Variants in PRDM10 observed in about 807,000 individuals in gnomAD.
PRDM10 encodes the protein PR domain zinc finger protein 10.
In PRDM10, 65 loss-of-function variants were observed where a neutral mutation model predicts 133.1. The observed-to-expected ratio is 0.49, with a 90% CI of 0.40 to 0.60. The LOEUF (loss-of-function observed/expected upper bound fraction) is 0.60. Among genes scored for constraint, PRDM10 ranks in the 20% least tolerant of loss-of-function variants. PRDM10 has a pLI of 0.00. For synonymous variants in PRDM10, 582 were observed against 580.4 expected (o/e 1.00, Z -0.04); for missense variants, 1,137 against 1,507.1 (o/e 0.75, Z 4.07).
intron 20 of PRDM10, among the ~76,000 whole-genome samples, chr11:129,904,373 C>T (rs1026563232): frequency 2.6e-5 from 4 of 152,116 alleles, no homozygotes; most frequent in Middle Eastern, 3.2e-3. Context: ...CATGCACTTA[C>T]CATTTTATTT....
intron 1 of PRDM10, among the ~76,000 whole-genome samples, chr11:129,993,664 T>G (rs980803881): frequency 2.6e-5 from 4 of 152,156 alleles, no homozygotes; most frequent in Admixed American, 6.5e-5. Flanking sequence ...TTTTGTATTT[T>G]TAGTAGAGAC....
At chr11:129,910,136 C>T (rs1950140260) in intron 19 of PRDM10, among the ~76,000 whole-genome samples, 1 of 152,180 alleles carries the variant, frequency 6.6e-6, no homozygotes, top group African/African-American at 2.4e-5. Flanking sequence ...TTGGCATAGC[C>T]AGTGTCTAGT....
chr11:129,973,398 G>A (rs1227071258), intron 1 of PRDM10, among the ~76,000 whole-genome samples: 1 of 152,228 alleles, frequency 6.6e-6, no homozygotes, highest in African/African-American at 2.4e-5. Flanking sequence ...CACCAAGGTA[G>A]AACCTTCCCA....
In PRDM10 at chr11:129,901,061, A is replaced by G. The variant is rs1949831207; in HGVS notation, c.*1252T>C. 6.6e-6 allele frequency: 1 copy of G among 152,628 alleles called. No homozygotes were observed. The highest frequency in any genetic ancestry group is 1.5e-5 in the Non-Finnish European group (1 of 68,026). The allele number at this position is 152,628 out of a possible 1,614,324, so 9.5% of individuals were successfully genotyped here. ...ATAATTATTCTGAAAATGTGTTAGC[A>G]TGTCACAAAAAGTTAAAATATATAC... On this transcript the variant is annotated 3_prime_UTR_variant, in exon 21 of 21. Coordinates refer to ENST00000360871, the MANE Select transcript of PRDM10 (RefSeq NM_199437.2).
chr11:129,902,206 C>T lies in PRDM10; in HGVS notation c.*107G>A, dbSNP rs1949860630. 6 of 1,429,740 alleles carry T rather than the reference C, an allele frequency of 4.2e-6. No individual in the cohort carries two copies. The East Asian group carries it at 1.4e-4, about 33-fold the overall frequency. The allele number at this position is 1,429,740 out of a possible 1,614,324, so 88.6% of individuals were successfully genotyped here. On this transcript the variant is annotated 3_prime_UTR_variant, in exon 21 of 21. Transcript: ENST00000360871. ...GAGAGACAAAACTGTGGTTTCCGAA[C>T]TCTTGAGTGAATAATAAATCTTACA... is the stretch of plus-strand genomic sequence containing the variant.
intron 6 of PRDM10, among the ~76,000 whole-genome samples, chr11:129,943,019 C>T (rs1307846461): frequency 6.6e-6 from 1 of 152,204 alleles, no homozygotes; most frequent in Non-Finnish European, 1.5e-5. Context: ...ATAGGCATTT[C>T]TCTTTACAAA....
At position 129,923,380 on chromosome 11, in the gene PRDM10, G is replaced by C; in HGVS notation, c.1902C>G (p.Phe634Leu). ...FIQVKKHVRSFHSEKIYQCTE... is the reference protein window; with the variant it reads ...FIQVKKHVRSLHSEKIYQCTE... Reference sequence around the variant, plus strand: ...TGCACTGGTAGATCTTTTCTGAGTGGAAGCTGCGCACGTGTTTTTTCACCT... The same window carrying C: ...TGCACTGGTAGATCTTTTCTGAGTGCAAGCTGCGCACGTGTTTTTTCACCT... The change falls in exon 13 of 21, where the codon TTC (phenylalanine) becomes TTG (leucine). Residue 634 changes from phenylalanine to leucine, a missense_variant. Physicochemically the swap from Phe to Leu is conservative, Grantham distance 22. Coordinates refer to ENST00000360871, the MANE Select transcript of PRDM10 (RefSeq NM_199437.2). This position sits in a 1 kb window ranked among gnomAD's most constrained non-coding sequence, Gnocchi z 4.4. 1 of 1,608,410 alleles carries C rather than the reference G, an allele frequency of 6.2e-7. No homozygotes were observed. Among genetic ancestry groups the C allele is most frequent in the Non-Finnish European group, 8.5e-7 (1 of 1,177,560 alleles).
At chr11:129,988,566 G>T (rs1375261377) in intron 1 of PRDM10, among the ~76,000 whole-genome samples, 2 of 150,904 alleles carry the variant, frequency 1.3e-5, no homozygotes, top group African/African-American at 4.9e-5. Context: ...GAACTGCATG[G>T]TATGTAAATT....
chr11:129,917,258 C>A (rs1188507060), intron 14 of PRDM10, 21 bp from the exon 15 acceptor site: 1 of 1,568,684 alleles, frequency 6.4e-7, no homozygotes, highest in Admixed American at 1.7e-5. Flanking sequence ...AAGAAAGAAC[C>A]AATGAGAAAA....
At chr11:129,959,364 C>T (rs6590429) in intron 2 of PRDM10, among the ~76,000 whole-genome samples, 5 of 152,178 alleles carry the variant, frequency 3.3e-5, no homozygotes, top group South Asian at 2.1e-4. Context: ...TTGTGACTTT[C>T]GATTTGTTCA....
chr11:129,995,660 A>G (rs1939018802), intron 1 of PRDM10, among the ~76,000 whole-genome samples: 1 of 151,828 alleles, frequency 6.6e-6, no homozygotes, highest in Admixed American at 6.6e-5. Context: ...AAGGCGGGGG[A>G]GAGGGGCAGG....
chr11:129,902,282 T>G lies in PRDM10; in HGVS notation c.*31A>C. 1 of 1,607,096 alleles carries G rather than the reference T, an allele frequency of 6.2e-7. No individual in the cohort carries two copies. Among genetic ancestry groups the G allele is most frequent in the Middle Eastern group, 1.7e-4 (1 of 5,740 alleles). ...CAGACTTATGAGAACAGACATGAGG[T>G]GGGTGCTGGATTCAAGCTCCAGGGT... is the stretch of plus-strand genomic sequence containing the variant. On this transcript the variant is annotated 3_prime_UTR_variant, in exon 21 of 21. Coordinates refer to ENST00000360871, the MANE Select transcript of PRDM10 (RefSeq NM_199437.2).
intron 1 of PRDM10, among the ~76,000 whole-genome samples, chr11:129,961,364 G>C (rs1267056099): frequency 6.6e-6 from 1 of 152,046 alleles, no homozygotes; most frequent in Non-Finnish European, 1.5e-5. Flanking sequence ...GAGTGCAGTG[G>C]CACAATCTAG....
rs1016524878 is a variant in PRDM10 at position 129,945,276 on chromosome 11, G to C, written c.521-264C>G. 1.2e-4 allele frequency among the ~76,000 whole-genome samples: 18 copies of C among 152,148 alleles called. No homozygotes were observed. Among genetic ancestry groups the C allele is most frequent in the African/African-American group, 2.9e-4 (12 of 41,422 alleles). ...CCATGACTGACTTCTTTGCTGGAGA[G>C]TCCTTTGAATAGTGGCCACTAAATT... On this transcript the variant is annotated intron_variant, in intron 5 of 20. Transcript: ENST00000360871. This position sits in a 1 kb window ranked among gnomAD's most constrained non-coding sequence, Gnocchi z 4.2.
At chr11:129,912,845 A>G (rs996632297) in intron 17 of PRDM10, among the ~76,000 whole-genome samples, 1 of 151,598 alleles carries the variant, frequency 6.6e-6, no homozygotes, top group Non-Finnish European at 1.5e-5. Flanking sequence ...GGATCACTTG[A>G]GGTCAGGAGT....
At chr11:129,944,704 A>G in intron 6 of PRDM10, 67 bp downstream of exon 6, 1 of 1,565,838 alleles carries the variant, frequency 6.4e-7, no homozygotes, top group South Asian at 1.1e-5. Context: ...GAGACTGAGT[A>G]GACAACGCAG....
At chr11:129,990,511 GA>G (rs1938671486) in intron 1 of PRDM10, among the ~76,000 whole-genome samples, 1 of 98,630 alleles carries the variant, frequency 1.0e-5, no homozygotes, top group Non-Finnish European at 1.8e-5. Context: ...GACAAAGTGA[GA>G]CTTTGTCTCC....
intron 1 of PRDM10, among the ~76,000 whole-genome samples, chr11:129,985,987 G>A (rs1283506570): frequency 3.3e-5 from 5 of 151,632 alleles, no homozygotes; most frequent in African/African-American, 1.2e-4. Context: ...CAGTGCTTCC[G>A]TTCTTAGTGT....
intron 1 of PRDM10, among the ~76,000 whole-genome samples, chr11:129,996,425 C>A (rs11826993): frequency 0.11 from 17,467 of 152,166 alleles, 1,288 homozygotes; most frequent in African/African-American, 0.2. Context: ...CAAAAGAAGA[C>A]TATTTCCTGA....
Sources: gnomAD v4.1 joint callset for allele counts (sites outside exome capture counted in the v4.1 genomes callset) on GRCh38, gnomAD v4.1.1 for gene constraint, Gnocchi (gnomAD v3.1) non-coding constraint, MANE v1.5 for transcripts, NCBI Gene and HGNC (gene_info 2026-07-23, HGNC 2026-07-21) for gene names.